RRAGD: variants seen among roughly 807,000 people sequenced by gnomAD.
RRAGD encodes the protein Ras related GTP binding D.
RRAGD carries 12 observed loss-of-function variants against 35.5 expected under a neutral mutation model. That is an observed-to-expected ratio of 0.34 (90% CI 0.22 to 0.55). The LOEUF (loss-of-function observed/expected upper bound fraction) is 0.55, where lower values mean the gene tolerates loss of function less well. RRAGD is among the 20% of genes least tolerant of loss of function. The pLI is 0.91. For synonymous variants in RRAGD, 155 were observed against 178.9 expected (o/e 0.87, Z 1.07); for missense variants, 324 against 490.1 (o/e 0.66, Z 3.20).
chr6:89,372,337 G>T (rs953003864), intron 6 of RRAGD, 100 bp downstream of exon 6: 2 of 1,293,214 alleles, frequency 1.5e-6, no homozygotes, highest in African/African-American at 3.1e-5. Context: ...TGGAAGTTTC[G>T]AGGGCTATGC....
chr6:89,396,995 C>A (rs1256517982), intron 1 of RRAGD, among the ~76,000 whole-genome samples: 1 of 152,054 alleles, frequency 6.6e-6, no homozygotes, highest in Non-Finnish European at 1.5e-5. Context: ...CCCACCTCGG[C>A]CTCCCGAATT....
chr6:89,403,085 T>G (rs956783578), intron 1 of RRAGD, among the ~76,000 whole-genome samples: 2 of 152,218 alleles, frequency 1.3e-5, no homozygotes, highest in Admixed American at 1.3e-4. Context: ...CAATAGCATA[T>G]TATATGCTTA....
At chr6:89,401,260 A>AT (rs1408988292) in intron 1 of RRAGD, among the ~76,000 whole-genome samples, 24 of 143,046 alleles carry the variant, frequency 1.7e-4, no homozygotes, top group African/African-American at 5.5e-4. Flanking sequence ...TCCCCACAAT[A>AT]TATTTTTTTT....
intron 1 of RRAGD, among the ~76,000 whole-genome samples, chr6:89,408,829 A>G (rs1769639779): frequency 6.6e-6 from 1 of 152,204 alleles, no homozygotes. Context: ...TTATCAAAAG[A>G]TTTAAAGTCC....
At chr6:89,392,153 G>GTGAT (rs1346400516) in intron 1 of RRAGD, among the ~76,000 whole-genome samples, 1 of 151,866 alleles carries the variant, frequency 6.6e-6, no homozygotes, top group East Asian at 1.9e-4. Flanking sequence ...CTCAAAGAAG[G>GTGAT]ATCAAGAAAA....
chr6:89,410,463 G>C (rs1481136725), intron 1 of RRAGD, among the ~76,000 whole-genome samples: 1 of 152,220 alleles, frequency 6.6e-6, no homozygotes, highest in Non-Finnish European at 1.5e-5. Flanking sequence ...TAGCTCTAGA[G>C]ACTCCAATAA....
At chr6:89,381,282 T>C (rs1392952425) in intron 2 of RRAGD, among the ~76,000 whole-genome samples, 1 of 152,188 alleles carries the variant, frequency 6.6e-6, no homozygotes, top group Non-Finnish European at 1.5e-5. Flanking sequence ...GACAGTACAG[T>C]CTACAAAGCT....
At chr6:89,385,390 G>A (rs144430631) in intron 2 of RRAGD, among the ~76,000 whole-genome samples, 77 of 152,256 alleles carry the variant, frequency 5.1e-4, no homozygotes, top group Non-Finnish European at 9.8e-4. Flanking sequence ...CAGCTGCTGC[G>A]TGACTTAGGG....
At chr6:89,407,128 G>A (rs759953596) in intron 1 of RRAGD, among the ~76,000 whole-genome samples, 33 of 152,100 alleles carry the variant, frequency 2.2e-4, no homozygotes, top group Non-Finnish European at 4.1e-4. Flanking sequence ...AAATGGAGCC[G>A]AAGTCTTTCT....
intron 1 of RRAGD, among the ~76,000 whole-genome samples, chr6:89,394,374 G>T (rs1196516398): frequency 1.3e-5 from 2 of 151,952 alleles, no homozygotes; most frequent in Non-Finnish European, 2.9e-5. Flanking sequence ...AACTAGAAAG[G>T]CATCAGATGC....
In RRAGD at chr6:89,387,493, G is replaced by C; in HGVS notation, c.246C>G (p.Val82=). Residue 82 remains valine (V), a synonymous_variant, in exon 2 of 7, where the codon GTC becomes GTG. Coordinates refer to ENST00000369415, the MANE Select transcript of RRAGD (RefSeq NM_021244.5). The part of the protein sequence containing the change: ...RSGKSSIQKV[V]FHKMSPNETL... ...TTTCGTTGGGAGACATTTTGTGAAA[G>C]ACAACTTTCTGAATAGACGACTTGC... is the stretch of plus-strand genomic sequence containing the variant. 1.2e-6 allele frequency: 2 copies of C among 1,614,216 alleles called. No homozygotes were observed. The highest frequency in any genetic ancestry group is 1.7e-6 in the Non-Finnish European group (2 of 1,180,040).
intron 2 of RRAGD, among the ~76,000 whole-genome samples, chr6:89,382,400 A>AATATATATAT (rs58343827): frequency 0.028 from 3,666 of 130,766 alleles, 162 homozygotes; most frequent in African/African-American, 0.07. Context: ...TATCTCTAGA[A>AATATATATAT]ATATATATAT....
chr6:89,394,217 A>C (rs1335141723), intron 1 of RRAGD, among the ~76,000 whole-genome samples: 1 of 151,906 alleles, frequency 6.6e-6, no homozygotes, highest in Non-Finnish European at 1.5e-5. Flanking sequence ...GAAACTTAAA[A>C]ACAAGCCCAC....
At chr6:89,387,672 T>C (rs948605958) in intron 1 of RRAGD, 82 bp from the exon 2 acceptor site, 46 of 1,266,100 alleles carry the variant, frequency 3.6e-5, no homozygotes, top group Admixed American at 1.0e-4. Context: ...ACCTCAAATG[T>C]GATTTATGAT....
At chr6:89,410,060 G>A (rs1353279414) in intron 1 of RRAGD, among the ~76,000 whole-genome samples, 2 of 151,348 alleles carry the variant, frequency 1.3e-5, no homozygotes, top group Non-Finnish European at 2.9e-5. Context: ...CCAAGTCTGG[G>A]CTCTGGGGAA....
chr6:89,397,370 T>C (rs2127894944), intron 1 of RRAGD, among the ~76,000 whole-genome samples: 1 of 152,300 alleles, frequency 6.6e-6, no homozygotes, highest in South Asian at 2.1e-4. Flanking sequence ...ATCCCTTCCA[T>C]TCCACTGCTG....
chr6:89,372,682 T>A, intron 5 of RRAGD, 97 bp from the exon 6 acceptor site: 1 of 1,276,528 alleles, frequency 7.8e-7, no homozygotes, highest in Non-Finnish European at 1.1e-6. Flanking sequence ...CAAAAAGTGA[T>A]AATCATAAGT....
At chr6:89,381,585 CAT>C (rs1319850942) in intron 2 of RRAGD, among the ~76,000 whole-genome samples, 3 of 152,148 alleles carry the variant, frequency 2.0e-5, no homozygotes, top group Non-Finnish European at 2.9e-5. Context: ...CCAAACATCA[CAT>C]ATAATTCATT....
intron 2 of RRAGD, among the ~76,000 whole-genome samples, chr6:89,382,078 C>T (rs986588363): frequency 1.8e-4 from 27 of 151,770 alleles, no homozygotes; most frequent in Middle Eastern, 3.4e-3. Flanking sequence ...CCCTCTGCCC[C>T]GCCACTTGTG....
Sources: gnomAD v4.1 joint callset for allele counts (sites outside exome capture counted in the v4.1 genomes callset) on GRCh38, gnomAD v4.1.1 for gene constraint, MANE v1.5 for transcripts, NCBI Gene and HGNC (gene_info 2026-07-23, HGNC 2026-07-21) for gene names.